The following RIC1 variants were observed in gnomAD, a reference collection of about 807,000 sequenced individuals.
RIC1 encodes guanine nucleotide exchange factor subunit RIC1.
RIC1 carries 88 observed loss-of-function variants against 169.0 expected under a neutral mutation model. That is an observed-to-expected ratio of 0.52 (90% CI 0.44 to 0.62). The LOEUF is 0.62. Ranked by LOEUF, RIC1 falls within the 20% of genes least tolerant of loss-of-function variation. The probability of loss-of-function intolerance (pLI) is 0.00; values close to 1 mark genes in which losing one functional copy is unlikely to be tolerated. For missense variants in RIC1, 1,877 were observed against 1,725.5 expected, an observed-to-expected ratio of 1.09 and a Z score of -1.56; for synonymous variants, 790 against 601.5, an observed-to-expected ratio of 1.31 and a Z score of -4.59.
chr9:5,747,897 C>T (rs933729666), intron 12 of RIC1, among the ~76,000 whole-genome samples: 3 of 152,128 alleles, frequency 2.0e-5, no homozygotes, highest in Non-Finnish European at 4.4e-5. Flanking sequence ...TACAGCTGAC[C>T]TTACAGTCTT....
intron 2 of RIC1, among the ~76,000 whole-genome samples, chr9:5,688,751 A>T (rs1404222957): frequency 6.6e-6 from 1 of 152,208 alleles, no homozygotes; most frequent in Non-Finnish European, 1.5e-5. Context: ...GGAAGCCAGA[A>T]TTAGAAAGTA....
intron 6 of RIC1, 41 bp downstream of exon 6, chr9:5,720,791 A>G: frequency 6.8e-7 from 1 of 1,476,078 alleles, no homozygotes; most frequent in African/African-American, 1.4e-5. Context: ...GTTATTGTGT[A>G]CTTATTTTAT....
intron 2 of RIC1, among the ~76,000 whole-genome samples, chr9:5,677,213 T>G (rs1265710532): frequency 6.6e-6 from 1 of 152,228 alleles, no homozygotes; most frequent in Non-Finnish European, 1.5e-5. Context: ...TTAATTTTAG[T>G]CATTCTGGTA....
intron 17 of RIC1, among the ~76,000 whole-genome samples, chr9:5,760,969 A>G (rs1019590645): frequency 2.6e-5 from 4 of 152,062 alleles, no homozygotes; most frequent in African/African-American, 9.7e-5. Context: ...TTCTGTTTAT[A>G]TAGCATGTAT....
chr9:5,664,888 C>T (rs1819659717), intron 2 of RIC1, among the ~76,000 whole-genome samples: 1 of 152,152 alleles, frequency 6.6e-6, no homozygotes, highest in South Asian at 2.1e-4. Flanking sequence ...CTTTTCTCCA[C>T]TTGGTCTATT....
rs559972880 is a variant in RIC1 at position 5,736,388 on chromosome 9, A to G, written c.813-2062A>G. Among the ~76,000 whole-genome samples the G allele has an allele frequency of 4.6e-5, 7 of 152,334 alleles. No individual in the cohort carries two copies. The South Asian group carries it at 1.5e-3, about 32-fold the overall frequency. Reference sequence around the variant, plus strand: ...GCTGTTTTGAATTCAGAACACAAACATAAGGTAACAAGGGACAGTGATTTC... The same window carrying G: ...GCTGTTTTGAATTCAGAACACAAACGTAAGGTAACAAGGGACAGTGATTTC... On this transcript the variant is annotated intron_variant, in intron 7 of 25. Coordinates refer to ENST00000414202, the MANE Select transcript of RIC1 (RefSeq NM_020829.4).
At position 5,722,166 on chromosome 9, in the gene RIC1, G is replaced by C. The variant is rs891063803; in HGVS notation, c.720+1416G>C. Among the ~76,000 whole-genome samples the C allele has an allele frequency of 3.3e-5, 5 of 150,730 alleles. No individual in the cohort carries two copies. In the South Asian group the frequency reaches 1.0e-3, roughly 32 times the overall value. ...GCCTCCCAATGTGCTGGGATTACAG[G>C]CGTCAGCCATGGTGCCCAGCCCATT... is the stretch of plus-strand genomic sequence containing the variant. On this transcript the variant is annotated intron_variant, in intron 6 of 25. Transcript: ENST00000414202.
chr9:5,702,009 T>C (rs949847271), intron 3 of RIC1, among the ~76,000 whole-genome samples: 3 of 152,210 alleles, frequency 2.0e-5, no homozygotes, highest in African/African-American at 4.8e-5. Context: ...GACACTCATC[T>C]TTACTCATTT....
chr9:5,666,087 G>T (rs1218571158), intron 2 of RIC1, among the ~76,000 whole-genome samples: 2 of 152,072 alleles, frequency 1.3e-5, no homozygotes, highest in East Asian at 1.9e-4. Context: ...ACTCCGTCCT[G>T]GGGGGAAATT....
intron 3 of RIC1, among the ~76,000 whole-genome samples, chr9:5,693,350 A>G (rs1821697180): frequency 1.3e-5 from 2 of 152,152 alleles, no homozygotes; most frequent in Admixed American, 1.3e-4. Context: ...CCATCTGAGA[A>G]CACAGTTCAG....
intron 7 of RIC1, among the ~76,000 whole-genome samples, chr9:5,733,156 A>G (rs1363797870): frequency 6.6e-6 from 1 of 151,772 alleles, no homozygotes; most frequent in East Asian, 1.9e-4. Context: ...CTCTTTCTTA[A>G]ATAAAAAATC....
At chr9:5,683,418 C>T (rs915439719) in intron 2 of RIC1, among the ~76,000 whole-genome samples, 4 of 152,192 alleles carry the variant, frequency 2.6e-5, no homozygotes, top group African/African-American at 4.8e-5. Context: ...CCACTCCAGA[C>T]GCTGTTTGCC....
rs373952312 is a variant in RIC1, at chr9:5,703,418, G to A, written c.333-10478G>A. On this transcript the variant is annotated intron_variant, in intron 3 of 25. Transcript: ENST00000414202. ...TTTGTACAACTATCACAATTACCTAGTTCCAGAACTTTTACATCACTCCAG... is the reference window on the plus strand; with the variant it reads ...TTTGTACAACTATCACAATTACCTAATTCCAGAACTTTTACATCACTCCAG... Among the ~76,000 whole-genome samples the A allele has an allele frequency of 7.2e-5, 11 of 152,112 alleles. No individual in the cohort carries two copies. The East Asian group carries it at 1.5e-3, about 21-fold the overall frequency.
intron 4 of RIC1, among the ~76,000 whole-genome samples, chr9:5,716,822 C>G (rs1380847816): frequency 6.6e-6 from 1 of 152,174 alleles, no homozygotes; most frequent in African/African-American, 2.4e-5. Flanking sequence ...ATTTTAACAA[C>G]TGACACCAGC....
intron 7 of RIC1, among the ~76,000 whole-genome samples, chr9:5,733,771 C>T (rs1200260887): frequency 6.6e-6 from 1 of 151,694 alleles, no homozygotes; most frequent in Non-Finnish European, 1.5e-5. Context: ...TGGATTCAGT[C>T]ATATTTTGTT....
intron 23 of RIC1, among the ~76,000 whole-genome samples, chr9:5,770,604 C>A (rs1038602821): frequency 6.6e-6 from 1 of 152,294 alleles, no homozygotes; most frequent in African/African-American, 2.4e-5. Context: ...CCATTTTTAT[C>A]ATAATTAGAT....
intron 6 of RIC1, among the ~76,000 whole-genome samples, chr9:5,727,314 A>G (rs553154152): frequency 1.5e-4 from 23 of 151,638 alleles, no homozygotes; most frequent in African/African-American, 4.8e-4. Context: ...TTGATCTTCA[A>G]TCATTCGATC....
At chr9:5,725,820 A>G (rs1185647669) in intron 6 of RIC1, among the ~76,000 whole-genome samples, 1 of 152,090 alleles carries the variant, frequency 6.6e-6, no homozygotes, top group Non-Finnish European at 1.5e-5. Context: ...TTATGTACCC[A>G]GTAGTCATTC....
intron 2 of RIC1, among the ~76,000 whole-genome samples, chr9:5,658,522 C>T (rs934715059): frequency 1.1e-4 from 17 of 152,020 alleles, no homozygotes; most frequent in Non-Finnish European, 2.5e-4. Flanking sequence ...CTAAGAATTA[C>T]TGTGAATGAC....
Sources: allele counts gnomAD v4.1 joint callset (sites outside exome capture counted in the v4.1 genomes callset), GRCh38; gene constraint gnomAD v4.1.1; transcripts MANE v1.5; gene names NCBI Gene and HGNC (gene_info 2026-07-23, HGNC 2026-07-21).